The following FOXP1 variants were observed in gnomAD, a reference collection of about 807,000 sequenced individuals.
FOXP1 encodes the protein forkhead box P1.
In FOXP1, 15 loss-of-function variants were observed where a neutral mutation model predicts 98.2. The observed-to-expected ratio is 0.15, with a 90% CI of 0.10 to 0.24. The LOEUF (loss-of-function observed/expected upper bound fraction) is 0.24, where lower values mean the gene tolerates loss of function less well. Ranked by LOEUF, FOXP1 falls within the 10% of genes least tolerant of loss-of-function variation. FOXP1 has a pLI of 1.00. For synonymous variants in FOXP1, 371 were observed against 314.5 expected, an observed-to-expected ratio of 1.18 and a Z score of -1.90; for missense variants, 633 against 848.5, an observed-to-expected ratio of 0.75 and a Z score of 3.15.
chr3:71,492,027 C>G (rs1368560870), intron 3 of FOXP1, among the ~76,000 whole-genome samples: 1 of 152,168 alleles, frequency 6.6e-6, no homozygotes, highest in Non-Finnish European at 1.5e-5. Context: ...ACCCCAGGGA[C>G]TTAGCCATCC....
chr3:71,088,747 T>C (rs2055444291), intron 7 of FOXP1, among the ~76,000 whole-genome samples: 1 of 152,210 alleles, frequency 6.6e-6, no homozygotes, highest in African/African-American at 2.4e-5. Context: ...TGAGATTATC[T>C]TTGAAGGTCT....
chr3:71,309,949 G>T (rs2074566963), intron 4 of FOXP1, among the ~76,000 whole-genome samples: 1 of 152,128 alleles, frequency 6.6e-6, no homozygotes, highest in African/African-American at 2.4e-5. Flanking sequence ...ATTCCAATTA[G>T]AACTTTTACT....
At chr3:71,178,843 C>T (rs1338072422) in intron 6 of FOXP1, among the ~76,000 whole-genome samples, 17 of 151,224 alleles carry the variant, frequency 1.1e-4, no homozygotes, top group Admixed American at 1.1e-3. Context: ...AAGATCGCAC[C>T]ACTGCACTGC....
At chr3:71,199,168 C>T (rs905387721) in intron 5 of FOXP1, among the ~76,000 whole-genome samples, 5 of 147,078 alleles carry the variant, frequency 3.4e-5, no homozygotes, top group African/African-American at 1.0e-4. Context: ...AGTGCAGTGG[C>T]GCTATCTCTG....
chr3:71,085,735 C>CTTTTTTTTTTTTT (rs56318177), intron 7 of FOXP1, among the ~76,000 whole-genome samples: 562 of 37,022 alleles, frequency 0.015, 218 homozygotes, highest in African/African-American at 0.049. Flanking sequence ...CATTTATGGC[C>CTTTTTTTTTTTTT]TTTTTTTTTT....
chr3:70,969,526 T>A (rs1462259332), intron 19 of FOXP1: 3 of 152,052 alleles, frequency 2.0e-5, no homozygotes, highest in Non-Finnish European at 2.9e-5. Context: ...TAAATATCTG[T>A]TTAATGTCCA....
intron 3 of FOXP1, among the ~76,000 whole-genome samples, chr3:71,367,820 G>T (rs1272843890): frequency 6.6e-6 from 1 of 152,074 alleles, no homozygotes; most frequent in Admixed American, 6.5e-5. Flanking sequence ...TCCTTTCCAA[G>T]ACCATAATGA....
intron 3 of FOXP1, among the ~76,000 whole-genome samples, chr3:71,401,790 G>A (rs927781007): frequency 2.6e-5 from 4 of 152,250 alleles, no homozygotes; most frequent in Non-Finnish European, 4.4e-5. Flanking sequence ...TCAATGAAGC[G>A]GGATATCTCT....
intron 3 of FOXP1, among the ~76,000 whole-genome samples, chr3:71,397,177 T>C (rs1313267766): frequency 1.3e-5 from 2 of 148,326 alleles, no homozygotes; most frequent in African/African-American, 5.0e-5. Context: ...CACGTGTACC[T>C]TTCCCACTTT....
intron 19 of FOXP1, among the ~76,000 whole-genome samples, chr3:70,967,224 GAAAGT>G (rs1247715548): frequency 1.3e-5 from 2 of 152,210 alleles, no homozygotes; most frequent in African/African-American, 4.8e-5. Context: ...GCTCTAGAAA[GAAAGT>G]AAAAGCCAAA....
chr3:71,043,387 C>G lies in FOXP1; in HGVS notation c.665-1855G>C, dbSNP rs2048607050. 2.0e-5 allele frequency among the ~76,000 whole-genome samples: 3 copies of G among 152,268 alleles called. No homozygotes were observed. In the South Asian group the frequency reaches 6.2e-4, roughly 32 times the overall value. On this transcript the variant is annotated intron_variant, in intron 10 of 20. Coordinates refer to ENST00000649528, the MANE Select transcript of FOXP1 (RefSeq NM_001349338.3). ...ATTAAACAAAGGGGAAAGGTCACTC[C>G]ACAACCCCATGTCCGGTTTTGCTGC...
intron 3 of FOXP1, among the ~76,000 whole-genome samples, chr3:71,451,851 A>G (rs1236239108): frequency 6.6e-6 from 1 of 152,216 alleles, no homozygotes; most frequent in Admixed American, 6.5e-5. Flanking sequence ...CTTAGTTATT[A>G]AACAGGAAAA....
At chr3:70,987,330 C>A (rs1408432857) in intron 14 of FOXP1, among the ~76,000 whole-genome samples, 1 of 152,190 alleles carries the variant, frequency 6.6e-6, no homozygotes, top group Non-Finnish European at 1.5e-5. Flanking sequence ...ACAGCCTGTG[C>A]TGGGATGACA....
intron 7 of FOXP1, among the ~76,000 whole-genome samples, chr3:71,095,672 C>A (rs991593672): frequency 9.2e-5 from 14 of 152,110 alleles, no homozygotes; most frequent in Admixed American, 8.5e-4. Context: ...CTCCTAGAGA[C>A]CAGGTGTGAC....
At chr3:71,179,752 A>C (rs1291343173) in intron 6 of FOXP1, among the ~76,000 whole-genome samples, 1 of 152,260 alleles carries the variant, frequency 6.6e-6, no homozygotes, top group Admixed American at 6.5e-5. Flanking sequence ...CAGGGTATCC[A>C]CTGAAATGTT....
At chr3:71,124,391 A>T (rs1480773238) in intron 6 of FOXP1, among the ~76,000 whole-genome samples, 11 of 151,882 alleles carry the variant, frequency 7.2e-5, no homozygotes, top group Non-Finnish European at 1.3e-4. Flanking sequence ...AAGAATATTT[A>T]AAAAATCCCC....
chr3:70,983,166 C>G (rs1349306163), intron 14 of FOXP1, among the ~76,000 whole-genome samples: 2 of 152,048 alleles, frequency 1.3e-5, no homozygotes, highest in African/African-American at 4.8e-5. Flanking sequence ...CCTTTACCAT[C>G]TCAGCCTGGC....
intron 3 of FOXP1, among the ~76,000 whole-genome samples, chr3:71,373,783 G>A (rs1192862940): frequency 6.6e-6 from 1 of 152,140 alleles, no homozygotes; most frequent in East Asian, 1.9e-4. Flanking sequence ...CGCATCTTAG[G>A]TGGAAAGACA....
intron 6 of FOXP1, among the ~76,000 whole-genome samples, chr3:71,186,832 T>A (rs2062677069): frequency 6.6e-6 from 1 of 152,254 alleles, no homozygotes; most frequent in African/African-American, 2.4e-5. Context: ...GGTAGAAGTC[T>A]GTAGAAGGCA....
Sources: gnomAD v4.1 joint callset for allele counts (sites outside exome capture counted in the v4.1 genomes callset) on GRCh38, gnomAD v4.1.1 for gene constraint, MANE v1.5 for transcripts, NCBI Gene and HGNC (gene_info 2026-07-23, HGNC 2026-07-21) for gene names.